Variants in ATP9A observed in about 807,000 individuals in gnomAD.
ATP9A encodes the protein probable phospholipid-transporting ATPase IIA.
ATP9A carries 52 observed loss-of-function variants against 144.1 expected under a neutral mutation model. The ratio of observed to expected loss-of-function variants is 0.36; its 90% CI spans 0.29 to 0.45. The LOEUF (loss-of-function observed/expected upper bound fraction) is 0.45. ATP9A is among the 20% of genes least tolerant of loss of function. ATP9A has a pLI of 1.00. For missense variants in ATP9A, 947 were observed against 1,392.7 expected (o/e 0.68, Z 5.09); for synonymous variants, 582 against 557.4 (o/e 1.04, Z -0.62).
At chr20:51,635,490 C>T (rs1014283141) in intron 15 of ATP9A, among the ~76,000 whole-genome samples, 1 of 152,102 alleles carries the variant, frequency 6.6e-6, no homozygotes, top group Non-Finnish European at 1.5e-5. Context: ...GTAATCCCAG[C>T]ACTTTGGGAG....
chr20:51,627,833 T>C, intron 16 of ATP9A, 150 bp from the exon 17 acceptor site: 1 of 690,614 alleles, frequency 1.4e-6, no homozygotes, highest in East Asian at 2.5e-5. Flanking sequence ...CAATCCTCCC[T>C]GGAGCAAGCT....
intron 7 of ATP9A, among the ~76,000 whole-genome samples, chr20:51,691,090 G>T (rs2077546709): frequency 6.6e-6 from 1 of 152,154 alleles, no homozygotes; most frequent in South Asian, 2.1e-4. Flanking sequence ...ATGGGGTGAT[G>T]CTACACACCT....
Position 51,703,026 on chromosome 20 carries a change from A to C in ATP9A, c.437-5544T>G, listed in dbSNP as rs192783901. Among the ~76,000 whole-genome samples, 435 of 152,212 alleles carry C rather than the reference A, an allele frequency of 2.9e-3. 1 individual carries two copies. Among genetic ancestry groups the C allele is most frequent in the African/African-American group, 0.01 (419 of 41,528 alleles). ...GTTTTGTTTTGGTCTCATCTTCCCC[A>C]GAGACTCCTAAGATGGAAAAAGGAC... is the stretch of plus-strand genomic sequence containing the variant. On this transcript the variant is annotated intron_variant, in intron 4 of 27. Coordinates refer to ENST00000338821, the MANE Select transcript of ATP9A (RefSeq NM_006045.3).
chr20:51,726,903 T>TC (rs2077716533), intron 2 of ATP9A, among the ~76,000 whole-genome samples: 1 of 147,056 alleles, frequency 6.8e-6, no homozygotes. Context: ...TTTTTTTTTT[T>TC]TTTTTTTTTT....
At position 51,669,867 on chromosome 20, in the gene ATP9A, C is replaced by CT. The variant is rs1412400189; in HGVS notation, c.1293+129dup. ...TGACAGTTGCTCAACTCTGAATATG[C>CT]TTAAAAAAAAACAATGAATTGTACT... On this transcript the variant is annotated intron_variant, in intron 13 of 27. Transcript: ENST00000338821. The CT allele has an allele frequency of 4.2e-6, 3 of 707,058 alleles. No individual in the cohort carries two copies. In the East Asian group the frequency reaches 8.0e-5, roughly 19 times the overall value. 43.8% of individuals were successfully genotyped at this position (707,058 alleles called of 1,614,324 possible).
At chr20:51,721,218 C>A (rs1268688153) in intron 3 of ATP9A, among the ~76,000 whole-genome samples, 1 of 152,262 alleles carries the variant, frequency 6.6e-6, no homozygotes, top group Non-Finnish European at 1.5e-5. Flanking sequence ...ACGTCTACAC[C>A]AAATCCTTAT....
chr20:51,699,352 AAAGAACTT>A (rs2077583906), intron 4 of ATP9A, among the ~76,000 whole-genome samples: 14 of 151,706 alleles, frequency 9.2e-5, no homozygotes, highest in African/African-American at 3.4e-4. Flanking sequence ...AAAAAAAAAA[AAAGAACTT>A]AAAGACTTAA....
At chr20:51,766,080 A>G (rs1385770674) in intron 1 of ATP9A, among the ~76,000 whole-genome samples, 1 of 152,234 alleles carries the variant, frequency 6.6e-6, no homozygotes, top group Non-Finnish European at 1.5e-5. Context: ...CTGGCTCTCC[A>G]TATGAACGGC....
At chr20:51,747,282 C>T (rs1414095374) in intron 1 of ATP9A, among the ~76,000 whole-genome samples, 1 of 152,096 alleles carries the variant, frequency 6.6e-6, no homozygotes, top group Non-Finnish European at 1.5e-5. Context: ...GGCAGCTTCT[C>T]TTTAAATGTA....
At chr20:51,720,789 G>A (rs997974041) in intron 3 of ATP9A, among the ~76,000 whole-genome samples, 6 of 152,056 alleles carry the variant, frequency 3.9e-5, no homozygotes, top group African/African-American at 1.4e-4. Flanking sequence ...AGCCGATATC[G>A]CGCCATTGCA....
At chr20:51,683,701 C>T (rs1280573588) in intron 9 of ATP9A, among the ~76,000 whole-genome samples, 2 of 152,134 alleles carry the variant, frequency 1.3e-5, no homozygotes, top group Non-Finnish European at 2.9e-5. Context: ...CAGGTGTGAG[C>T]TACTGCACCC....
chr20:51,705,653 T>C (rs970856316), intron 4 of ATP9A, among the ~76,000 whole-genome samples: 1 of 152,204 alleles, frequency 6.6e-6, no homozygotes, highest in African/African-American at 2.4e-5. Flanking sequence ...TGGGAAAGCA[T>C]TCCTGGTATG....
chr20:51,667,270 G>A (rs1042663018), intron 13 of ATP9A, among the ~76,000 whole-genome samples: 9 of 152,202 alleles, frequency 5.9e-5, no homozygotes, highest in Admixed American at 2.0e-4. Context: ...GACGGCTTCC[G>A]TAAACACCAG....
intron 13 of ATP9A, among the ~76,000 whole-genome samples, chr20:51,665,981 C>A (rs2077431218): frequency 6.6e-6 from 1 of 152,306 alleles, no homozygotes; most frequent in African/African-American, 2.4e-5. Context: ...CATTTCAACA[C>A]TGGGAAAATA....
intron 1 of ATP9A, among the ~76,000 whole-genome samples, chr20:51,767,304 G>A (rs1162249317): frequency 6.6e-6 from 1 of 152,160 alleles, no homozygotes; most frequent in Non-Finnish European, 1.5e-5. Context: ...CGCGGCCTGT[G>A]GAGCTGCACA....
intron 1 of ATP9A, among the ~76,000 whole-genome samples, chr20:51,747,195 C>T (rs1342399376): frequency 6.6e-6 from 1 of 151,310 alleles, no homozygotes; most frequent in Non-Finnish European, 1.5e-5. Flanking sequence ...TGAACACATC[C>T]CTGCCACAGA....
intron 7 of ATP9A, 86 bp downstream of exon 7, chr20:51,693,922 T>C: frequency 8.4e-7 from 1 of 1,191,874 alleles, no homozygotes; most frequent in Non-Finnish European, 1.2e-6. Context: ...CAAGTTGCCA[T>C]CCCATGCCTG....
At chr20:51,687,717 T>C (rs1453801674) in intron 9 of ATP9A, among the ~76,000 whole-genome samples, 2 of 151,498 alleles carry the variant, frequency 1.3e-5, no homozygotes, top group African/African-American at 2.4e-5. Flanking sequence ...TGAGCCATGA[T>C]TGCACCCCTG....
At chr20:51,623,095 C>T (rs186995422) in intron 18 of ATP9A, among the ~76,000 whole-genome samples, 6 of 152,280 alleles carry the variant, frequency 3.9e-5, no homozygotes, top group South Asian at 2.1e-4. Context: ...GGCAGTGAGA[C>T]GGGCAGAAGG....
Sources: allele counts gnomAD v4.1 joint callset (sites outside exome capture counted in the v4.1 genomes callset), GRCh38; gene constraint gnomAD v4.1.1; transcripts MANE v1.5; gene names NCBI Gene and HGNC (gene_info 2026-07-23, HGNC 2026-07-21).